Variants in MYO1D observed in about 807,000 individuals in gnomAD.
MYO1D encodes the protein unconventional myosin-Id.
Under a neutral mutation model 122.0 loss-of-function variants are expected in MYO1D, and 83 were observed. The observed-to-expected ratio is 0.68, with a 90% CI of 0.57 to 0.82. The LOEUF is 0.82. Ranked by LOEUF, MYO1D falls within the 40% of genes least tolerant of loss-of-function variation. The pLI is 0.00. For missense variants in MYO1D, 1,157 were observed against 1,269.5 expected (o/e 0.91, Z 1.35); for synonymous variants, 464 against 446.9 (o/e 1.04, Z -0.48).
Position 32,702,997 on chromosome 17 carries a change from T to C in MYO1D, c.2121+8991A>G, listed in dbSNP as rs79228985. Among the ~76,000 whole-genome samples, 374 of 152,364 alleles carry C rather than the reference T, an allele frequency of 2.5e-3. 4 individuals are homozygous for C. The highest frequency in any genetic ancestry group is 6.9e-3 in the African/African-American group (285 of 41,588). ...ATAAGCTGTAACTGTGATGCTAAGT[T>C]ACCTACAAATTGCTCAGAGGAAAAT... On this transcript the variant is annotated intron_variant, in intron 16 of 21. Transcript: ENST00000318217.
chr17:32,844,322 T>A (rs1455974743), intron 1 of MYO1D, among the ~76,000 whole-genome samples: 1 of 147,008 alleles, frequency 6.8e-6, no homozygotes, highest in Non-Finnish European at 1.5e-5. Context: ...ATGTATATAT[T>A]ATATAATATG....
chr17:32,808,777 A>C (rs569703775), intron 1 of MYO1D, among the ~76,000 whole-genome samples: 1 of 152,322 alleles, frequency 6.6e-6, no homozygotes, highest in African/African-American at 2.4e-5. Flanking sequence ...GCAACCCAGC[A>C]GAGGTCACTC....
intron 4 of MYO1D, among the ~76,000 whole-genome samples, chr17:32,774,507 C>T (rs2090154901): frequency 6.6e-6 from 1 of 152,142 alleles, no homozygotes; most frequent in Non-Finnish European, 1.5e-5. Flanking sequence ...TCCCCAGGGT[C>T]TGCTGGCATT....
At chr17:32,616,474 A>G (rs1376577447) in intron 20 of MYO1D, among the ~76,000 whole-genome samples, 1 of 139,038 alleles carries the variant, frequency 7.2e-6, no homozygotes, top group African/African-American at 2.9e-5. Flanking sequence ...CATCTGACTA[A>G]TTAAAAACTT....
chr17:32,660,495 C>T (rs771789350), intron 16 of MYO1D, among the ~76,000 whole-genome samples: 4 of 152,182 alleles, frequency 2.6e-5, no homozygotes, highest in African/African-American at 9.6e-5. Context: ...TGTCCTCATG[C>T]GGACTCCTAA....
At chr17:32,673,720 C>T (rs1194244899) in intron 16 of MYO1D, among the ~76,000 whole-genome samples, 1 of 152,156 alleles carries the variant, frequency 6.6e-6, no homozygotes, top group Non-Finnish European at 1.5e-5. Context: ...AGTGATATAG[C>T]AAAACTGGAT....
chr17:32,671,645 G>T (rs1315950860), intron 16 of MYO1D, among the ~76,000 whole-genome samples: 1 of 152,102 alleles, frequency 6.6e-6, no homozygotes, highest in African/African-American at 2.4e-5. Flanking sequence ...TAAGGAGTTT[G>T]TTGTACTTGT....
At chr17:32,765,156 T>C (rs573063368) in intron 7 of MYO1D, 75 bp from the exon 8 acceptor site, 2 of 1,242,160 alleles carry the variant, frequency 1.6e-6, no homozygotes, top group South Asian at 1.3e-5. Flanking sequence ...TAAAATACAA[T>C]TCAGGTGACC....
intron 14 of MYO1D, among the ~76,000 whole-genome samples, chr17:32,727,862 T>C: frequency 6.6e-6 from 1 of 152,112 alleles, no homozygotes; most frequent in African/African-American, 2.4e-5. Context: ...GAAAAAGATA[T>C]ACCATGCAAA....
chr17:32,562,453 G>T (rs2087134584), intron 21 of MYO1D, among the ~76,000 whole-genome samples: 2 of 151,734 alleles, frequency 1.3e-5, no homozygotes, highest in Admixed American at 1.3e-4. Context: ...CCATATTTCT[G>T]ATTATTTTCT....
At chr17:32,806,298 C>T (rs750503788) in intron 1 of MYO1D, among the ~76,000 whole-genome samples, 1 of 152,138 alleles carries the variant, frequency 6.6e-6, no homozygotes, top group Non-Finnish European at 1.5e-5. Flanking sequence ...AACCTTATCA[C>T]ACCATACCTA....
chr17:32,784,486 T>C (rs2090272513), intron 1 of MYO1D, among the ~76,000 whole-genome samples: 1 of 152,002 alleles, frequency 6.6e-6, no homozygotes, highest in Admixed American at 6.6e-5. Flanking sequence ...ATGGTTAACA[T>C]AAATTAATAG....
intron 20 of MYO1D, among the ~76,000 whole-genome samples, chr17:32,629,128 C>T (rs922345959): frequency 1.3e-5 from 2 of 151,414 alleles, no homozygotes; most frequent in Non-Finnish European, 2.9e-5. Flanking sequence ...TCTGAAAAGG[C>T]TACATTCTGT....
chr17:32,681,464 T>C (rs918789642), intron 16 of MYO1D, among the ~76,000 whole-genome samples: 2 of 147,094 alleles, frequency 1.4e-5, no homozygotes, highest in African/African-American at 5.0e-5. Flanking sequence ...TTTGTTCTCG[T>C]TGGTTTCAAA....
chr17:32,723,325 AT>A (rs375756257), intron 14 of MYO1D, among the ~76,000 whole-genome samples: 1 of 152,138 alleles, frequency 6.6e-6, no homozygotes, highest in Non-Finnish European at 1.5e-5. Context: ...CTGTCCTTTA[AT>A]TTTTTAGATT....
intron 13 of MYO1D, among the ~76,000 whole-genome samples, chr17:32,743,681 G>C (rs542798524): frequency 6.6e-6 from 1 of 151,566 alleles, no homozygotes; most frequent in Non-Finnish European, 1.5e-5. Context: ...GCAGTGGCGC[G>C]ATCTCGGCTC....
chr17:32,801,036 CAAGAAA>C lies in MYO1D; in HGVS notation c.96-20258_96-20253del, dbSNP rs1567648452. Among the ~76,000 whole-genome samples the C allele has an allele frequency of 1.2e-4, 18 of 151,866 alleles. 1 individual carries two copies. Among genetic ancestry groups the C allele is most frequent in the Non-Finnish European group, 1.5e-5 (1 of 67,952 alleles). On this transcript the variant is annotated intron_variant, in intron 1 of 21. Coordinates refer to ENST00000318217, the MANE Select transcript of MYO1D (RefSeq NM_015194.3). ...AATTATTTGTAAATTAAAAATAAAA[CAAGAAA>C]AAAAGGAAAGTGCCTGTCCTCTAGT...
At chr17:32,715,948 T>C (rs1040295379) in intron 15 of MYO1D, among the ~76,000 whole-genome samples, 3 of 152,236 alleles carry the variant, frequency 2.0e-5, no homozygotes, top group African/African-American at 7.2e-5. Context: ...TCATCTTTAT[T>C]GCTTCAATTC....
intron 1 of MYO1D, among the ~76,000 whole-genome samples, chr17:32,786,339 A>C (rs2090293660): frequency 1.3e-5 from 2 of 152,220 alleles, no homozygotes; most frequent in South Asian, 4.1e-4. Flanking sequence ...GATCTTGATA[A>C]ATGAAAAGAG....
Sources: allele counts gnomAD v4.1 joint callset (sites outside exome capture counted in the v4.1 genomes callset), GRCh38; gene constraint gnomAD v4.1.1; transcripts MANE v1.5; gene names NCBI Gene and HGNC (gene_info 2026-07-23, HGNC 2026-07-21).